Variants in NLGN1 observed in about 807,000 individuals in gnomAD.
NLGN1 encodes neuroligin 1, also known as neuroligin-1.
In NLGN1, 12 loss-of-function variants were observed where a neutral mutation model predicts 65.5. That is an observed-to-expected ratio of 0.18 (90% CI 0.12 to 0.30). The LOEUF is 0.30. NLGN1 is among the 10% of genes least tolerant of loss of function. The probability of loss-of-function intolerance (pLI) is 1.00; values close to 1 mark genes in which losing one functional copy is unlikely to be tolerated. For synonymous variants in NLGN1, 350 were observed against 359.5 expected (o/e 0.97, Z 0.30); for missense variants, 750 against 1,007.1 (o/e 0.74, Z 3.46).
chr3:173,936,045 CA>C (rs1440325875), intron 4 of NLGN1, among the ~76,000 whole-genome samples: 1 of 151,430 alleles, frequency 6.6e-6, no homozygotes, highest in East Asian at 1.9e-4. Flanking sequence ...TTTTCATAGG[CA>C]TGGATTCTGT....
intron 4 of NLGN1, among the ~76,000 whole-genome samples, chr3:173,917,776 A>G (rs561374799): frequency 2.6e-5 from 4 of 152,202 alleles, no homozygotes; most frequent in African/African-American, 9.6e-5. Context: ...TCTCATATCC[A>G]TGACACGATG....
intron 4 of NLGN1, among the ~76,000 whole-genome samples, chr3:173,991,597 T>C (rs890378370): frequency 1.3e-5 from 2 of 152,204 alleles, no homozygotes; most frequent in African/African-American, 4.8e-5. Flanking sequence ...TTAATTTAAA[T>C]TTAAAGAGTC....
At chr3:173,814,202 AT>A (rs1204908842) in intron 4 of NLGN1, among the ~76,000 whole-genome samples, 3 of 152,344 alleles carry the variant, frequency 2.0e-5, no homozygotes, top group Admixed American at 6.5e-5. Context: ...CTATAATATC[AT>A]TTTAGCAAAG....
At chr3:173,826,642 T>A (rs1442784967) in intron 4 of NLGN1, among the ~76,000 whole-genome samples, 1 of 152,134 alleles carries the variant, frequency 6.6e-6, no homozygotes, top group African/African-American at 2.4e-5. Context: ...TGATGATTCA[T>A]TCGGTTGAAA....
intron 4 of NLGN1, among the ~76,000 whole-genome samples, chr3:174,165,896 C>A (rs1445935938): frequency 6.6e-6 from 1 of 152,040 alleles, no homozygotes; most frequent in South Asian, 2.1e-4. Flanking sequence ...TTGGTCTGTT[C>A]AGTGTTTCCT....
chr3:173,755,177 A>AT (rs1161875576), intron 3 of NLGN1, among the ~76,000 whole-genome samples: 1 of 152,020 alleles, frequency 6.6e-6, no homozygotes, highest in Admixed American at 6.6e-5. Flanking sequence ...TACATATTCC[A>AT]TTTTTTTACA....
intron 2 of NLGN1, among the ~76,000 whole-genome samples, chr3:173,480,070 G>A (rs1236905484): frequency 1.3e-5 from 2 of 152,126 alleles, no homozygotes; most frequent in Non-Finnish European, 1.5e-5. Flanking sequence ...AGATACTAGA[G>A]TTAGTTCAGA....
intron 2 of NLGN1, among the ~76,000 whole-genome samples, chr3:173,460,878 G>T (rs1380758408): frequency 1.3e-5 from 2 of 152,114 alleles, no homozygotes; most frequent in African/African-American, 2.4e-5. Context: ...ACAGTGTGAA[G>T]AGCTGCCTAG....
chr3:174,107,951 A>C (rs115713653), intron 4 of NLGN1, among the ~76,000 whole-genome samples: 3 of 152,198 alleles, frequency 2.0e-5, no homozygotes, highest in Non-Finnish European at 4.4e-5. Flanking sequence ...ATGGCTCTTC[A>C]TGTCTTTTGC....
At chr3:173,886,434 A>C (rs960898696) in intron 4 of NLGN1, among the ~76,000 whole-genome samples, 2 of 152,092 alleles carry the variant, frequency 1.3e-5, no homozygotes, top group Non-Finnish European at 2.9e-5. Flanking sequence ...GAAATACTCT[A>C]AAGTACATTT....
chr3:173,977,123 G>T (rs79613307), intron 4 of NLGN1, among the ~76,000 whole-genome samples: 1 of 146,412 alleles, frequency 6.8e-6, no homozygotes, highest in African/African-American at 2.6e-5. Flanking sequence ...ACACACACAC[G>T]CACACACACA....
chr3:173,703,664 AGTTAAAT>A (rs1369007011), intron 3 of NLGN1, among the ~76,000 whole-genome samples: 1 of 152,212 alleles, frequency 6.6e-6, no homozygotes, highest in Non-Finnish European at 1.5e-5. Flanking sequence ...TTAATATCAA[AGTTAAAT>A]GTTAAGTGTT....
At chr3:173,450,735 G>A (rs1029305292) in intron 2 of NLGN1, among the ~76,000 whole-genome samples, 18 of 152,068 alleles carry the variant, frequency 1.2e-4, no homozygotes, top group Non-Finnish European at 1.8e-4. Flanking sequence ...ACATAGTCCC[G>A]TATTTCTTGG....
intron 3 of NLGN1, among the ~76,000 whole-genome samples, chr3:173,643,221 T>C (rs1304360682): frequency 6.6e-6 from 1 of 152,164 alleles, no homozygotes; most frequent in Non-Finnish European, 1.5e-5. Context: ...AACTGAATTC[T>C]CTAAAGCAGA....
chr3:173,547,954 T>A (rs1740177710), intron 2 of NLGN1, among the ~76,000 whole-genome samples: 1 of 152,018 alleles, frequency 6.6e-6, no homozygotes, highest in Admixed American at 6.6e-5. Flanking sequence ...TTTTTTTTCC[T>A]CAAAGCACTA....
At chr3:174,041,510 A>C (rs978737314) in intron 4 of NLGN1, among the ~76,000 whole-genome samples, 2 of 152,128 alleles carry the variant, frequency 1.3e-5, no homozygotes, top group Non-Finnish European at 2.9e-5. Context: ...CTAGGAATGG[A>C]ATTGCTGTGA....
At chr3:173,553,644 A>G (rs1399654631) in intron 2 of NLGN1, among the ~76,000 whole-genome samples, 5 of 152,234 alleles carry the variant, frequency 3.3e-5, no homozygotes, top group Non-Finnish European at 7.3e-5. Context: ...CAGTCAAGGA[A>G]TAACAAATGC....
At chr3:173,607,423 A>G (rs1309217814) in intron 3 of NLGN1, among the ~76,000 whole-genome samples, 1 of 151,832 alleles carries the variant, frequency 6.6e-6, no homozygotes, top group Non-Finnish European at 1.5e-5. Flanking sequence ...AATTATTATT[A>G]TTAAATACAT....
chr3:173,434,319 T>G (rs1211446854), intron 1 of NLGN1, among the ~76,000 whole-genome samples: 5 of 152,200 alleles, frequency 3.3e-5, no homozygotes, highest in Non-Finnish European at 7.4e-5. Flanking sequence ...GAGTTCTTTG[T>G]AGTAGTGGTT....
Sources: allele counts gnomAD v4.1 joint callset (sites outside exome capture counted in the v4.1 genomes callset), GRCh38; gene constraint gnomAD v4.1.1; transcripts MANE v1.5; gene names NCBI Gene and HGNC (gene_info 2026-07-23, HGNC 2026-07-21).